Variants in GC observed in about 807,000 individuals in gnomAD.
GC encodes the protein vitamin D-binding protein.
Under a neutral mutation model 56.7 loss-of-function variants are expected in GC, and 43 were observed. The observed-to-expected ratio is 0.76, with a 90% CI of 0.59 to 0.98. The LOEUF (loss-of-function observed/expected upper bound fraction) is 0.98. Among genes scored for constraint, GC ranks in the 50% least tolerant of loss-of-function variants. GC has a pLI of 0.00. For missense variants in GC, 529 were observed against 545.9 expected (o/e 0.97, Z 0.31); for synonymous variants, 216 against 202.7 (o/e 1.07, Z -0.56).
At chr4:71,803,844 T>C (rs1279561971) in intron 1 of GC, 9 of 784,262 alleles carry the variant, frequency 1.1e-5, no homozygotes, top group Non-Finnish European at 2.0e-5. Flanking sequence ...AGTCAGAACA[T>C]TGTAAATTCA....
At chr4:71,798,068 T>C (rs1177707450) in intron 1 of GC, among the ~76,000 whole-genome samples, 1 of 152,234 alleles carries the variant, frequency 6.6e-6, no homozygotes, top group Non-Finnish European at 1.5e-5. Flanking sequence ...GGGATAGTTC[T>C]TATTCATTAA....
intron 1 of GC, among the ~76,000 whole-genome samples, chr4:71,801,965 A>C (rs988172882): frequency 1.6e-4 from 25 of 151,580 alleles, no homozygotes; most frequent in African/African-American, 6.1e-4. Flanking sequence ...AGTACTGGAA[A>C]GACTAAGTGT....
At chr4:71,755,823 CA>C (rs1330366166) in intron 8 of GC, among the ~76,000 whole-genome samples, 1 of 152,152 alleles carries the variant, frequency 6.6e-6, no homozygotes, top group Non-Finnish European at 1.5e-5. Flanking sequence ...TGTCTTACCC[CA>C]CTGCTGTCTA....
intron 1 of GC, among the ~76,000 whole-genome samples, chr4:71,776,937 ATTAT>A (rs1322550570): frequency 1.3e-5 from 2 of 151,920 alleles, no homozygotes; most frequent in East Asian, 3.9e-4. Flanking sequence ...GATGTGTATC[ATTAT>A]TTATGTCTCT....
intron 6 of GC, among the ~76,000 whole-genome samples, chr4:71,762,685 T>C (rs1468310308): frequency 1.3e-5 from 2 of 152,142 alleles, no homozygotes; most frequent in Non-Finnish European, 2.9e-5. Context: ...CCTGTGCTGT[T>C]CTCATGATAG....
intron 7 of GC, 67 bp from the exon 8 acceptor site, chr4:71,756,981 C>T: frequency 9.5e-7 from 1 of 1,050,072 alleles, no homozygotes; most frequent in Admixed American, 1.8e-5. Context: ...ATAAGAATTA[C>T]ATAGGCTTAC....
At chr4:71,767,732 G>T (rs113674003) in intron 3 of GC, among the ~76,000 whole-genome samples, 2 of 151,602 alleles carry the variant, frequency 1.3e-5, no homozygotes, top group East Asian at 1.9e-4. Context: ...TTCTTTAGGG[G>T]TGATTTCTGA....
upstream of GC, among the ~76,000 whole-genome samples, chr4:71,784,549 A>C (rs990900529): frequency 6.6e-6 from 1 of 151,790 alleles, no homozygotes; most frequent in Non-Finnish European, 1.5e-5. Context: ...TAAAAGGGGA[A>C]AAAGAGTGAG....
At chr4:71,788,728 A>G (rs1742902774), upstream of GC, among the ~76,000 whole-genome samples, 1 of 151,862 alleles carries the variant, frequency 6.6e-6, no homozygotes, top group Non-Finnish European at 1.5e-5. Context: ...AAAGAAAGAA[A>G]TTGAAAATAG....
chr4:71,747,284 T>A (rs1421089621), intron 11 of GC, among the ~76,000 whole-genome samples: 2 of 152,002 alleles, frequency 1.3e-5, no homozygotes, highest in Admixed American at 6.6e-5. Context: ...GAGGGAGAGA[T>A]CTTGGTTGGA....
At chr4:71,784,646 T>A (rs1022310887), upstream of GC, among the ~76,000 whole-genome samples, 24 of 151,920 alleles carry the variant, frequency 1.6e-4, no homozygotes, top group African/African-American at 5.5e-4. Context: ...ACTTTGTATT[T>A]CTATGCTGTA....
intron 3 of GC, among the ~76,000 whole-genome samples, chr4:71,766,366 A>C (rs1742159185): frequency 6.6e-6 from 1 of 152,202 alleles, no homozygotes; most frequent in Non-Finnish European, 1.5e-5. Context: ...ACCTGCATTT[A>C]CTGCTTCAAC....
At position 71,783,972 on chromosome 4, in the gene GC, G is replaced by T; in HGVS notation, c.47C>A (p.Ala16Asp). ...AAAAGAAATCTTACCTCTCTCTAAA[G>T]CATGTCCAAATGCCACAGCAAGCAG... ...VLLLAVAFGH[A>D]LERGRDYEKN... is the part of the protein sequence containing the mutation. The change falls in exon 1 of 13, where the codon GCT (alanine) becomes GAT (aspartate). Residue 16 changes from alanine to aspartate, a missense_variant. Coordinates refer to ENST00000273951, the MANE Select transcript of GC (RefSeq NM_000583.4). The T allele has an allele frequency of 1.2e-6, 2 of 1,600,818 alleles. No homozygotes were observed. The highest frequency in any genetic ancestry group is 1.7e-5 in the Admixed American group (1 of 58,694).
intron 1 of GC, among the ~76,000 whole-genome samples, chr4:71,800,625 T>A (rs1233823631): frequency 6.6e-6 from 1 of 152,220 alleles, no homozygotes; most frequent in Non-Finnish European, 1.5e-5. Flanking sequence ...TCAAACAGTA[T>A]TTCTGGTTCT....
intron 1 of GC, among the ~76,000 whole-genome samples, chr4:71,771,914 T>C (rs1742356643): frequency 6.6e-6 from 1 of 152,178 alleles, no homozygotes; most frequent in Non-Finnish European, 1.5e-5. Context: ...GAGTTGTTTT[T>C]AGTTTGCTCC....
chr4:71,796,999 C>CTGCAGAACAGCAAATAT (rs1256189711), intron 1 of GC, among the ~76,000 whole-genome samples: 3 of 152,198 alleles, frequency 2.0e-5, no homozygotes, highest in East Asian at 1.9e-4. Context: ...CCAGTGGAGG[C>CTGCAGAACAGCAAATAT]TGCAGAACAG....
At chr4:71,770,928 G>A (rs1742321573) in intron 1 of GC, among the ~76,000 whole-genome samples, 1 of 152,148 alleles carries the variant, frequency 6.6e-6, no homozygotes, top group African/African-American at 2.4e-5. Context: ...TACTAATCAT[G>A]AGACCCCCTT....
At chr4:71,757,150 A>G (rs556434403) in intron 7 of GC, among the ~76,000 whole-genome samples, 2 of 152,312 alleles carry the variant, frequency 1.3e-5, no homozygotes, top group South Asian at 4.1e-4. Context: ...TGTAGATAAA[A>G]CGACAACAAC....
At chr4:71,756,674 T>C (rs767878835) in intron 8 of GC, 38 bp downstream of exon 8, 5 of 1,472,970 alleles carry the variant, frequency 3.4e-6, no homozygotes, top group East Asian at 4.5e-5. Context: ...CCAGATGAAC[T>C]TAAAATGGGA....
Sources: allele counts gnomAD v4.1 joint callset (sites outside exome capture counted in the v4.1 genomes callset), GRCh38; gene constraint gnomAD v4.1.1; transcripts MANE v1.5; gene names NCBI Gene and HGNC (gene_info 2026-07-23, HGNC 2026-07-21).